CYRIA: variants seen among roughly 807,000 people sequenced by gnomAD.
CYRIA encodes the protein CYFIP-related Rac1 interactor A.
CYRIA carries 15 observed loss-of-function variants against 43.9 expected under a neutral mutation model. The ratio of observed to expected loss-of-function variants is 0.34; its 90% CI spans 0.23 to 0.53. The LOEUF is 0.53. Among genes scored for constraint, CYRIA ranks in the 20% least tolerant of loss-of-function variants. The probability of loss-of-function intolerance (pLI) is 0.94; values close to 1 mark genes in which losing one functional copy is unlikely to be tolerated. For synonymous variants in CYRIA, 117 were observed against 136.0 expected (o/e 0.86, Z 0.97); for missense variants, 236 against 394.2 (o/e 0.60, Z 3.40).
In CYRIA at chr2:16,625,799, A is replaced by G. The variant is rs566769078; in HGVS notation, c.-166-1780T>C. On this transcript the variant is annotated intron_variant, in intron 1 of 11. Transcript: ENST00000381323. ...AAACAAGAGAAAAGCTCTCAAAGTG[A>G]TCAGGTATCAGGGAGAGCTATCCCA... is the stretch of plus-strand genomic sequence containing the variant. 2.7e-5 allele frequency: 4 copies of G among 150,880 alleles called. No individual in the cohort carries two copies. In the East Asian group the frequency reaches 7.8e-4, roughly 29 times the overall value. The allele number at this position is 150,880 out of a possible 1,614,324, so 9.3% of individuals were successfully genotyped here. A position where few individuals can be genotyped will look rare whatever the true frequency, so the allele number is the denominator to read the frequency against.
intron 1 of CYRIA, among the ~76,000 whole-genome samples, chr2:16,654,878 C>T (rs1397101401): frequency 6.6e-6 from 1 of 152,130 alleles, no homozygotes; most frequent in Non-Finnish European, 1.5e-5. Context: ...CTATAAGTCA[C>T]TGGTTAGAAA....
intron 2 of CYRIA, among the ~76,000 whole-genome samples, chr2:16,589,275 T>C (rs1392292231): frequency 1.3e-5 from 2 of 152,084 alleles, no homozygotes; most frequent in East Asian, 3.9e-4. Context: ...ACAATATTTA[T>C]GTTGATACAA....
At chr2:16,636,277 C>T (rs2342436) in intron 1 of CYRIA, among the ~76,000 whole-genome samples, 84,537 of 152,038 alleles carry the variant, frequency 0.56, 27,580 homozygotes, top group East Asian at 0.95. Flanking sequence ...ATAAACCATC[C>T]GACTCACAAA....
intron 3 of CYRIA, among the ~76,000 whole-genome samples, chr2:16,566,618 A>G (rs1318482001): frequency 6.6e-6 from 1 of 152,180 alleles, no homozygotes; most frequent in Non-Finnish European, 1.5e-5. Context: ...ACTGTTACCC[A>G]CAAAAACAAG....
rs76713028 is a variant in CYRIA at position 16,654,221 on chromosome 2, G to A, written c.-167+11559C>T. Among the ~76,000 whole-genome samples the A allele has an allele frequency of 6.8e-4, 104 of 152,248 alleles. No homozygotes were observed. In the East Asian group the frequency reaches 0.015, roughly 22 times the overall value. On this transcript the variant is annotated intron_variant, in intron 1 of 11. Transcript: ENST00000381323. The stretch of plus-strand genomic sequence containing the variant: ...CAAGCCAAAATGTTTGCATCTCTCC[G>A]AGTCTTGGTTTTGCTCTCTATAAAA...
At chr2:16,563,087 G>A (rs1302978083) in intron 5 of CYRIA, among the ~76,000 whole-genome samples, 1 of 152,156 alleles carries the variant, frequency 6.6e-6, no homozygotes, top group East Asian at 1.9e-4. Flanking sequence ...GAGGCAGCCA[G>A]TTCTACCTTG....
At chr2:16,592,477 G>C (rs1016675447) in intron 2 of CYRIA, among the ~76,000 whole-genome samples, 22 of 152,072 alleles carry the variant, frequency 1.4e-4, no homozygotes, top group Non-Finnish European at 3.1e-4. Context: ...TACTCTTAGA[G>C]GCGCAAGTCT....
rs113527588 is a variant in CYRIA at position 16,588,879 on chromosome 2, A to G, written c.-10-750T>C. On this transcript the variant is annotated intron_variant, in intron 2 of 11. Transcript: ENST00000381323. ...AATGCCCAAAAAGTTACTCTCAGTA[A>G]AACTGCAGCCTAAGACATCTGCAAA... is the stretch of plus-strand genomic sequence containing the variant. 5.0e-3 allele frequency among the ~76,000 whole-genome samples: 758 copies of G among 152,266 alleles called. 9 individuals carry two copies. Among genetic ancestry groups the G allele is most frequent in the African/African-American group, 0.016 (678 of 41,560 alleles).
intron 1 of CYRIA, among the ~76,000 whole-genome samples, chr2:16,625,120 G>T (rs990133739): frequency 6.6e-6 from 1 of 151,206 alleles, no homozygotes; most frequent in Non-Finnish European, 1.5e-5. Context: ...GGGCATGAAA[G>T]ATTATTTTTA....
intron 2 of CYRIA, among the ~76,000 whole-genome samples, chr2:16,613,631 C>G (rs1246032415): frequency 6.6e-6 from 1 of 151,202 alleles, no homozygotes; most frequent in Non-Finnish European, 1.5e-5. Flanking sequence ...AGTTAAGTAC[C>G]TTATCCACTA....
intron 11 of CYRIA, among the ~76,000 whole-genome samples, chr2:16,554,309 A>G (rs1294388863): frequency 2.0e-5 from 3 of 152,174 alleles, no homozygotes; most frequent in East Asian, 3.9e-4. Context: ...GCAATCTAGT[A>G]TCAGAATGAT....
chr2:16,633,988 G>T (rs535275125), intron 1 of CYRIA, among the ~76,000 whole-genome samples: 2 of 152,234 alleles, frequency 1.3e-5, no homozygotes, highest in East Asian at 1.9e-4. Context: ...CTAGCTGAGG[G>T]TTCTTCCCTC....
chr2:16,639,352 AATAG>A (rs1231983556), intron 1 of CYRIA, among the ~76,000 whole-genome samples: 2 of 152,280 alleles, frequency 1.3e-5, no homozygotes, highest in South Asian at 2.1e-4. Flanking sequence ...GAGAATAATA[AATAG>A]ATAGGCAAAG....
rs1666327372 is a variant in CYRIA at position 16,551,877 on chromosome 2, CTTTTATA to C, written c.*1052_*1058del. The C allele has an allele frequency of 6.6e-6, 1 of 152,034 alleles. No homozygotes were observed. The highest frequency in any genetic ancestry group is 2.1e-4 in the South Asian group (1 of 4,816). The allele number at this position is 152,034 out of a possible 1,614,324, so 9.4% of individuals were successfully genotyped here. ...AGGAGTAAATTCAGGTGCACCAGGG[CTTTTATA>C]TTGCAACAAGCTAGCAACGGGGTTG... On this transcript the variant is annotated 3_prime_UTR_variant, in exon 12 of 12. Coordinates refer to ENST00000381323, the MANE Select transcript of CYRIA (RefSeq NM_030797.4).
chr2:16,564,231 G>A (rs1026319618), intron 4 of CYRIA, 137 bp from the exon 5 acceptor site: 7 of 598,640 alleles, frequency 1.2e-5, no homozygotes, highest in African/African-American at 5.7e-5. Flanking sequence ...CCGGTTCATC[G>A]GATGGTCCTC....
At chr2:16,653,250 G>A (rs1265745414) in intron 1 of CYRIA, among the ~76,000 whole-genome samples, 1 of 152,180 alleles carries the variant, frequency 6.6e-6, no homozygotes, top group Non-Finnish European at 1.5e-5. Context: ...CCTGCAACCG[G>A]TCACTTGTCC....
intron 2 of CYRIA, among the ~76,000 whole-genome samples, chr2:16,607,745 T>C (rs1346834644): frequency 6.6e-6 from 1 of 152,084 alleles, no homozygotes; most frequent in African/African-American, 2.4e-5. Context: ...TACAGGTGTG[T>C]GCCACCACAC....
At chr2:16,564,610 A>T (rs1298124476) in intron 4 of CYRIA, among the ~76,000 whole-genome samples, 1 of 152,026 alleles carries the variant, frequency 6.6e-6, no homozygotes, top group Non-Finnish European at 1.5e-5. Flanking sequence ...GAGGATTATG[A>T]CGGTGGTGGT....
chr2:16,581,355 C>G (rs867143242), intron 3 of CYRIA, among the ~76,000 whole-genome samples: 2 of 152,120 alleles, frequency 1.3e-5, no homozygotes, highest in South Asian at 4.1e-4. Flanking sequence ...GAGCTCAACA[C>G]TGTCAGTTAT....
Sources: gnomAD v4.1 joint callset for allele counts (sites outside exome capture counted in the v4.1 genomes callset) on GRCh38, gnomAD v4.1.1 for gene constraint, MANE v1.5 for transcripts, NCBI Gene and HGNC (gene_info 2026-07-23, HGNC 2026-07-21) for gene names.